Variants in WDR37 observed in about 807,000 individuals in gnomAD.
The protein encoded by WDR37 is WD repeat domain 37.
In WDR37, 19 loss-of-function variants were observed where a neutral mutation model predicts 62.9. That is an observed-to-expected ratio of 0.30 (90% confidence interval 0.21 to 0.44). The LOEUF (loss-of-function observed/expected upper bound fraction) is 0.44. WDR37 is among the 20% of genes least tolerant of loss of function. WDR37 has a pLI of 1.00. For missense variants in WDR37, 474 were observed against 657.6 expected, an observed-to-expected ratio of 0.72 and a Z score of 3.05; for synonymous variants, 250 against 260.9, an observed-to-expected ratio of 0.96 and a Z score of 0.40.
chr10:1,132,072 T>C lies in WDR37; in HGVS notation c.*2728T>C, dbSNP rs1462120635. On this transcript the variant is annotated 3_prime_UTR_variant, in exon 14 of 14. Coordinates refer to ENST00000263150, the MANE Select transcript of WDR37 (RefSeq NM_014023.4). ...ATTTATAAGTGTTCCATGGAATCAG[T>C]TTTTATTGTATCGATATAATTGTCT... 6.6e-6 allele frequency: 1 copy of C among 152,666 alleles called. No individual in the cohort carries two copies. The highest frequency in any genetic ancestry group is 6.5e-5 in the Admixed American group (1 of 15,286). The allele number at this position is 152,666 out of a possible 1,614,324, so 9.5% of individuals were successfully genotyped here. A position where few individuals can be genotyped will look rare whatever the true frequency, so the allele number is the denominator to read the frequency against.
chr10:1,106,126 G>C (rs867933492), intron 11 of WDR37, among the ~76,000 whole-genome samples: 2 of 152,236 alleles, frequency 1.3e-5, no homozygotes, highest in Middle Eastern at 6.8e-3. Flanking sequence ...TTCCGTGACC[G>C]TCTCCTTCCC....
intron 1 of WDR37, among the ~76,000 whole-genome samples, chr10:1,069,216 AT>A (rs902026287): frequency 2.6e-5 from 4 of 151,740 alleles, no homozygotes; most frequent in African/African-American, 9.7e-5. Context: ...GTATATCAAG[AT>A]TTTTTTTAAA....
At chr10:1,102,204 T>A (rs1834839189) in intron 9 of WDR37, among the ~76,000 whole-genome samples, 1 of 135,356 alleles carries the variant, frequency 7.4e-6, no homozygotes, top group African/African-American at 2.8e-5. Flanking sequence ...ATGTGACGTG[T>A]TGCCGTGCTG....
At chr10:1,125,940 G>A (rs1835730737) in intron 13 of WDR37, among the ~76,000 whole-genome samples, 1 of 152,226 alleles carries the variant, frequency 6.6e-6, no homozygotes, top group Admixed American at 6.5e-5. Flanking sequence ...AGAGAATCGA[G>A]ACTCCATGGC....
intron 1 of WDR37, among the ~76,000 whole-genome samples, chr10:1,063,078 T>C: frequency 6.9e-6 from 1 of 145,162 alleles, no homozygotes; most frequent in African/African-American, 2.7e-5. Flanking sequence ...AGAGCGACAC[T>C]CTGTTAAAAA....
rs556650853 is a variant in WDR37, at chr10:1,084,825, C to A, written c.532+287C>A. ...TTCCATGCTCCCATGAATAGATGTG[C>A]ATCTGCACCCTGTCTTTTCCAGGTC... On this transcript the variant is annotated intron_variant, in intron 6 of 13. Transcript: ENST00000263150. 3.9e-5 allele frequency among the ~76,000 whole-genome samples: 6 copies of A among 152,356 alleles called. No homozygotes were observed. In the East Asian group the frequency reaches 1.2e-3, roughly 29 times the overall value.
In WDR37 at chr10:1,126,322, C is replaced by T. The variant is rs369469267; in HGVS notation, c.1353+1298C>T. On this transcript the variant is annotated intron_variant, in intron 13 of 13. Coordinates refer to ENST00000263150, the MANE Select transcript of WDR37 (RefSeq NM_014023.4). ...TCGGGAGGCTGAGGCAGGAGAATGG[C>T]GTGAACCCAGGAGGCGGAGCTTGCA... Among the ~76,000 whole-genome samples the T allele has an allele frequency of 6.2e-3, 929 of 150,776 alleles. 9 individuals are homozygous for T. Among genetic ancestry groups the T allele is most frequent in the African/African-American group, 0.018 (740 of 40,674 alleles).
At chr10:1,076,643 C>T (rs2131620929) in intron 2 of WDR37, among the ~76,000 whole-genome samples, 1 of 148,660 alleles carries the variant, frequency 6.7e-6, no homozygotes, top group African/African-American at 2.5e-5. Flanking sequence ...CGCGCCACTG[C>T]ACTCCAGCCT....
chr10:1,128,841 G>A (rs368321334), intron 13 of WDR37, among the ~76,000 whole-genome samples: 1 of 151,410 alleles, frequency 6.6e-6, no homozygotes, highest in East Asian at 1.9e-4. Flanking sequence ...ATGCTCGGTG[G>A]TCCTGCTCAG....
chr10:1,081,686 C>T (rs1006320355), intron 5 of WDR37, among the ~76,000 whole-genome samples: 1 of 152,070 alleles, frequency 6.6e-6, no homozygotes, highest in South Asian at 2.1e-4. Context: ...CTTATACTTA[C>T]AAGTTTTGAA....
intron 7 of WDR37, among the ~76,000 whole-genome samples, chr10:1,089,355 G>A (rs116554502): frequency 0.011 from 1,739 of 152,248 alleles, 38 homozygotes; most frequent in African/African-American, 0.04. Flanking sequence ...AGCTAGTGGG[G>A]CTTCCAGTGC....
At position 1,129,411 on chromosome 10, in the gene WDR37, C is replaced by T. The variant is rs1216381761; in HGVS notation, c.*67C>T. On this transcript the variant is annotated 3_prime_UTR_variant, in exon 14 of 14. Transcript: ENST00000263150. ...CCTTTGATGGGTGCAGGCTTTTCTG[C>T]GTATTAATCAGCCATTTTTGTGAGA... The T allele has an allele frequency of 5.4e-5, 85 of 1,586,868 alleles. No homozygotes were observed. In the East Asian group the frequency reaches 1.2e-3, roughly 22 times the overall value.
chr10:1,104,533 A>C (rs1279463887), intron 10 of WDR37, among the ~76,000 whole-genome samples: 2 of 152,252 alleles, frequency 1.3e-5, no homozygotes, highest in Admixed American at 6.5e-5. Context: ...TGATGAAGTC[A>C]AAGTCAACTC....
chr10:1,075,977 A>G (rs1281466551), intron 2 of WDR37, among the ~76,000 whole-genome samples: 1 of 151,916 alleles, frequency 6.6e-6, no homozygotes, highest in Admixed American at 6.6e-5. Flanking sequence ...ACGAAGTTTA[A>G]CCATGTTGGC....
chr10:1,082,758 TGCACAGCTCCAGCAGCACAGCTCCAGCA>T (rs59062191), intron 5 of WDR37, among the ~76,000 whole-genome samples: 3 of 150,560 alleles, frequency 2.0e-5, no homozygotes, highest in Admixed American at 6.6e-5. Flanking sequence ...CATGATCCCC[TGCACAGCTCCAGCAGCACAGCTCCAGCA>T]GCACAGCTCC....
At chr10:1,125,583 C>T (rs1341981848) in intron 13 of WDR37, among the ~76,000 whole-genome samples, 1 of 152,186 alleles carries the variant, frequency 6.6e-6, no homozygotes, top group Admixed American at 6.5e-5. Flanking sequence ...GTTTCACAGG[C>T]ATGCGGAACG....
intron 11 of WDR37, among the ~76,000 whole-genome samples, chr10:1,122,463 C>T (rs542998944): frequency 1.3e-5 from 2 of 152,294 alleles, no homozygotes; most frequent in South Asian, 2.1e-4. Context: ...CCCACTCTGC[C>T]CTGAAGTCAG....
chr10:1,071,124 C>A (rs1833715293), intron 1 of WDR37, among the ~76,000 whole-genome samples: 2 of 152,182 alleles, frequency 1.3e-5, no homozygotes, highest in African/African-American at 2.4e-5. Flanking sequence ...TTCCTTTACG[C>A]TGATATATTC....
chr10:1,113,588 C>T (rs931033774), intron 11 of WDR37, among the ~76,000 whole-genome samples: 1 of 152,216 alleles, frequency 6.6e-6, no homozygotes, highest in Non-Finnish European at 1.5e-5. Flanking sequence ...ACTTGTGATT[C>T]ATGGGAGAAG....
Sources: gnomAD v4.1 joint callset for allele counts (sites outside exome capture counted in the v4.1 genomes callset) on GRCh38, gnomAD v4.1.1 for gene constraint, MANE v1.5 for transcripts, NCBI Gene and HGNC (gene_info 2026-07-23, HGNC 2026-07-21) for gene names.